The following RAB11FIP4 variants were observed in gnomAD, a reference collection of about 807,000 sequenced individuals.
The protein encoded by RAB11FIP4 is RAB11 family interacting protein 4.
In RAB11FIP4, 23 loss-of-function variants were observed where a neutral mutation model predicts 74.3. That is an observed-to-expected ratio of 0.31 (90% CI 0.22 to 0.44). The LOEUF (loss-of-function observed/expected upper bound fraction) is 0.44. Among genes scored for constraint, RAB11FIP4 ranks in the 20% least tolerant of loss-of-function variants. RAB11FIP4 has a pLI of 1.00. For missense variants in RAB11FIP4, 630 were observed against 863.9 expected, an observed-to-expected ratio of 0.73 and a Z score of 3.39; for synonymous variants, 360 against 359.9, an observed-to-expected ratio of 1.00 and a Z score of 0.00.
chr17:31,485,617 C>G (rs946826990), intron 3 of RAB11FIP4, among the ~76,000 whole-genome samples: 4 of 152,194 alleles, frequency 2.6e-5, no homozygotes, highest in Non-Finnish European at 5.9e-5. Flanking sequence ...TCAGCCACAT[C>G]CTAAAACCTT....
intron 3 of RAB11FIP4, among the ~76,000 whole-genome samples, chr17:31,477,697 A>C (rs566863721): frequency 2.6e-5 from 4 of 152,312 alleles, no homozygotes; most frequent in African/African-American, 7.2e-5. Flanking sequence ...TCTTGGTTCT[A>C]TGATGGTTAC....
chr17:31,532,682 T>C lies in RAB11FIP4; in HGVS notation c.*950T>C, dbSNP rs2072891611. The stretch of plus-strand genomic sequence containing the variant: ...AAACCGTCTGCCTGGCTCCCTGTCT[T>C]CATTCTCCACGCAGCCTGGTGATGG... On this transcript the variant is annotated 3_prime_UTR_variant, in exon 15 of 15. Transcript: ENST00000621161. The C allele has an allele frequency of 6.6e-6, 1 of 152,200 alleles. No individual in the cohort carries two copies. The highest frequency in any genetic ancestry group is 1.5e-5 in the Non-Finnish European group (1 of 68,024). 9.4% of individuals were successfully genotyped at this position (152,200 alleles called of 1,614,324 possible). A position where few individuals can be genotyped will look rare whatever the true frequency, so the allele number is the denominator to read the frequency against.
At chr17:31,499,017 A>G (rs894206109) in intron 3 of RAB11FIP4, among the ~76,000 whole-genome samples, 3 of 152,170 alleles carry the variant, frequency 2.0e-5, no homozygotes, top group Non-Finnish European at 2.9e-5. Flanking sequence ...TGCCCGTTCC[A>G]AGAACCAGGA....
intron 3 of RAB11FIP4, among the ~76,000 whole-genome samples, chr17:31,453,556 A>G (rs922980040): frequency 6.6e-6 from 1 of 151,782 alleles, no homozygotes; most frequent in African/African-American, 2.4e-5. Context: ...GTCGTTGTCA[A>G]AATGAAACAT....
intron 1 of RAB11FIP4, among the ~76,000 whole-genome samples, chr17:31,408,052 T>C (rs2071058830): frequency 1.3e-5 from 2 of 152,198 alleles, no homozygotes; most frequent in Admixed American, 6.5e-5. Flanking sequence ...TGAGTATCAC[T>C]ATGAACTTGT....
chr17:31,417,193 C>T (rs2151622029), intron 1 of RAB11FIP4, among the ~76,000 whole-genome samples: 1 of 152,238 alleles, frequency 6.6e-6, no homozygotes, highest in Middle Eastern at 3.4e-3. Flanking sequence ...CCTCCGGTAC[C>T]CCAGTGTCCT....
intron 1 of RAB11FIP4, among the ~76,000 whole-genome samples, chr17:31,428,137 C>A (rs1445744694): frequency 6.6e-6 from 1 of 152,152 alleles, no homozygotes. Flanking sequence ...CGCCAGGTTC[C>A]AGGCAAGGAG....
At chr17:31,503,851 T>C (rs917307860) in intron 3 of RAB11FIP4, among the ~76,000 whole-genome samples, 2 of 149,630 alleles carry the variant, frequency 1.3e-5, no homozygotes, top group Non-Finnish European at 2.9e-5. Context: ...GAGCCAGACC[T>C]GTCAGGAAAA....
intron 9 of RAB11FIP4, chr17:31,524,232 C>A (rs1044607026): frequency 7.4e-5 from 37 of 500,848 alleles, no homozygotes; most frequent in Non-Finnish European, 1.1e-4. Context: ...GATTCTACCC[C>A]CTGAGGTCTG....
intron 5 of RAB11FIP4, among the ~76,000 whole-genome samples, chr17:31,521,610 T>C: frequency 6.6e-6 from 1 of 152,118 alleles, no homozygotes; most frequent in East Asian, 1.9e-4. Flanking sequence ...TCTTGTATCC[T>C]AGAACCTCAG....
chr17:31,470,154 T>A (rs998503170), intron 3 of RAB11FIP4, among the ~76,000 whole-genome samples: 8 of 152,032 alleles, frequency 5.3e-5, no homozygotes, highest in African/African-American at 1.9e-4. Flanking sequence ...CTGAGACCCA[T>A]CCCACATCCT....
intron 4 of RAB11FIP4, among the ~76,000 whole-genome samples, chr17:31,520,087 C>T (rs2072633569): frequency 7.9e-6 from 1 of 126,066 alleles, no homozygotes; most frequent in Non-Finnish European, 1.6e-5. Flanking sequence ...AAGCAAGACT[C>T]TGTCTCCAAA....
intron 3 of RAB11FIP4, among the ~76,000 whole-genome samples, chr17:31,439,465 T>C (rs2071389178): frequency 6.6e-6 from 1 of 152,210 alleles, no homozygotes; most frequent in Non-Finnish European, 1.5e-5. Flanking sequence ...CCCAGCTTCC[T>C]AGGGAGGCGG....
intron 1 of RAB11FIP4, among the ~76,000 whole-genome samples, chr17:31,427,779 C>T (rs1164842873): frequency 2.0e-5 from 3 of 152,188 alleles, no homozygotes; most frequent in Non-Finnish European, 4.4e-5. Context: ...GATGCAAAGG[C>T]AGGAGGAGAG....
At chr17:31,475,735 C>T (rs151024133) in intron 3 of RAB11FIP4, among the ~76,000 whole-genome samples, 1 of 151,878 alleles carries the variant, frequency 6.6e-6, no homozygotes, top group African/African-American at 2.4e-5. Context: ...TTTCAGCTCT[C>T]ATACTGTAAA....
At chr17:31,511,426 A>G (rs966218647) in intron 3 of RAB11FIP4, among the ~76,000 whole-genome samples, 7 of 152,196 alleles carry the variant, frequency 4.6e-5, no homozygotes, top group African/African-American at 1.7e-4. Context: ...ACCACACCAG[A>G]GTCGGCACCC....
intron 1 of RAB11FIP4, among the ~76,000 whole-genome samples, chr17:31,410,688 A>G (rs2071085689): frequency 6.6e-6 from 1 of 152,058 alleles, no homozygotes. Flanking sequence ...TCTGCCTGGG[A>G]AGGGGTGATG....
At chr17:31,405,038 T>A (rs1213644629) in intron 1 of RAB11FIP4, among the ~76,000 whole-genome samples, 1 of 151,762 alleles carries the variant, frequency 6.6e-6, no homozygotes, top group African/African-American at 2.4e-5. Flanking sequence ...CGGGATAAAA[T>A]GTTGAAGAGG....
chr17:31,502,155 G>C (rs186256111), intron 3 of RAB11FIP4, among the ~76,000 whole-genome samples: 3,243 of 148,830 alleles, frequency 0.022, 60 homozygotes, highest in Non-Finnish European at 0.034. Flanking sequence ...ACCCAGGAGG[G>C]GGGTGTTGCA....
Sources: gnomAD v4.1 joint callset for allele counts (sites outside exome capture counted in the v4.1 genomes callset) on GRCh38, gnomAD v4.1.1 for gene constraint, MANE v1.5 for transcripts, NCBI Gene and HGNC (gene_info 2026-07-23, HGNC 2026-07-21) for gene names.